FAXDC2: variants seen among roughly 807,000 people sequenced by gnomAD.
The protein encoded by FAXDC2 is fatty acid hydroxylase domain containing 2.
Under a neutral mutation model 40.9 loss-of-function variants are expected in FAXDC2, and 41 were observed. The ratio of observed to expected loss-of-function variants is 1.00; its 90% CI spans 0.78 to 1.30. FAXDC2 has a LOEUF of 1.30. FAXDC2 is among the 50% of genes most tolerant of loss of function. The probability of loss-of-function intolerance (pLI) is 0.00; values close to 1 mark genes in which losing one functional copy is unlikely to be tolerated. For synonymous variants in FAXDC2, 157 were observed against 149.3 expected (o/e 1.05, Z -0.38); for missense variants, 390 against 408.8 (o/e 0.95, Z 0.40).
At chr5:154,850,160 A>C (rs1760694880) in intron 1 of FAXDC2, among the ~76,000 whole-genome samples, 1 of 152,224 alleles carries the variant, frequency 6.6e-6, no homozygotes. Context: ...AATGGTTTTA[A>C]AGTCAAACAA....
intron 8 of FAXDC2, 116 bp downstream of exon 8, chr5:154,821,144 T>C (rs1412097533): frequency 5.6e-6 from 5 of 893,234 alleles, no homozygotes; most frequent in Non-Finnish European, 5.4e-6. Context: ...CCATCAGACC[T>C]CTTCCCCAAC....
chr5:154,834,535 A>G, intron 4 of FAXDC2, 90 bp downstream of exon 4: 1 of 962,638 alleles, frequency 1.0e-6, no homozygotes, highest in Non-Finnish European at 1.6e-6. Flanking sequence ...AATAAACTGA[A>G]AAGTCCCAAA....
intron 8 of FAXDC2, 139 bp from the exon 9 acceptor site, chr5:154,820,611 A>T: frequency 1.5e-6 from 1 of 654,470 alleles, no homozygotes; most frequent in Non-Finnish European, 2.5e-6. Flanking sequence ...CTGCATCAGA[A>T]TAAGCTGGGG....
intron 1 of FAXDC2, among the ~76,000 whole-genome samples, chr5:154,845,657 A>G (rs1294849161): frequency 2.6e-5 from 3 of 116,530 alleles, no homozygotes; most frequent in Non-Finnish European, 5.3e-5. Context: ...AAAAAACAAA[A>G]CAAAAAACAA....
intron 1 of FAXDC2, among the ~76,000 whole-genome samples, chr5:154,846,040 CATCTGCCTGCCT>C (rs1760592059): frequency 6.6e-6 from 1 of 151,642 alleles, no homozygotes; most frequent in Non-Finnish European, 1.5e-5. Context: ...CTGACCTCAT[CATCTGCCTGCCT>C]CGGCCTCCCA....
chr5:154,850,335 GT>G (rs1760698640), intron 1 of FAXDC2, 147 bp downstream of exon 1: 1 of 152,200 alleles, frequency 6.6e-6, no homozygotes, highest in Admixed American at 6.5e-5. Flanking sequence ...ATCTAACCCT[GT>G]TTAGAGGCAA....
intron 5 of FAXDC2, chr5:154,830,548 C>T (rs752565302): frequency 1.8e-5 from 7 of 385,616 alleles, no homozygotes; most frequent in Non-Finnish European, 2.4e-5. Context: ...CCATGGGGCA[C>T]CACAGGCAGG....
Position 154,820,279 on chromosome 5 carries a change from G to C in FAXDC2, c.*37C>G, listed in dbSNP as rs1272721748. 6.5e-7 allele frequency: 1 copy of C among 1,545,296 alleles called. No homozygotes were observed. The highest frequency in any genetic ancestry group is 1.9e-5 in the Admixed American group (1 of 51,914). Reference sequence around the variant, plus strand: ...TCAGGAAGCCGTGTCTGCATCCCATGGCTGAGGGACAGCCAGGATGACACT... The same window carrying C: ...TCAGGAAGCCGTGTCTGCATCCCATCGCTGAGGGACAGCCAGGATGACACT... On this transcript the variant is annotated 3_prime_UTR_variant, in exon 9 of 9. Coordinates refer to ENST00000326080, the MANE Select transcript of FAXDC2 (RefSeq NM_032385.5).
chr5:154,835,874 C>A (rs1760331350), intron 2 of FAXDC2, among the ~76,000 whole-genome samples: 1 of 137,056 alleles, frequency 7.3e-6, no homozygotes, highest in South Asian at 2.4e-4. Flanking sequence ...AGCCACCGCG[C>A]CCGGCCGACT....
chr5:154,820,775 A>G, intron 8 of FAXDC2: 1 of 294,298 alleles, frequency 3.4e-6, no homozygotes, highest in Non-Finnish European at 6.6e-6. Context: ...CACCAGCATC[A>G]GAATCCCCTG....
intron 5 of FAXDC2, chr5:154,824,300 A>C: frequency 3.4e-6 from 2 of 594,016 alleles, no homozygotes; most frequent in Non-Finnish European, 6.0e-6. Flanking sequence ...TTGTCAGAGC[A>C]CTGGGGCTCC....
chr5:154,822,327 C>T, intron 7 of FAXDC2, 145 bp downstream of exon 7: 2 of 665,324 alleles, frequency 3.0e-6, no homozygotes, highest in Non-Finnish European at 5.4e-6. Context: ...CATAGCCTGG[C>T]ATATGGAAGG....
intron 2 of FAXDC2, among the ~76,000 whole-genome samples, chr5:154,835,479 A>C (rs1244647448): frequency 6.6e-6 from 1 of 152,158 alleles, no homozygotes; most frequent in African/African-American, 2.4e-5. Flanking sequence ...TTTCCCAGTC[A>C]TACAGGCTTC....
At chr5:154,823,793 C>A in intron 5 of FAXDC2, 1 of 568,486 alleles carries the variant, frequency 1.8e-6, no homozygotes, top group Admixed American at 3.0e-5. Flanking sequence ...TGAGTAATAC[C>A]CCTGTCCTTG....
intron 5 of FAXDC2, among the ~76,000 whole-genome samples, chr5:154,825,912 G>T (rs1052505086): frequency 2.0e-5 from 3 of 152,112 alleles, no homozygotes; most frequent in Admixed American, 6.5e-5. Flanking sequence ...GTTGTGGGTA[G>T]TAAGTAAAGG....
chr5:154,837,191 G>C (rs1374744109), intron 2 of FAXDC2, among the ~76,000 whole-genome samples: 2 of 151,876 alleles, frequency 1.3e-5, no homozygotes, highest in African/African-American at 4.8e-5. Flanking sequence ...CTCACTCACT[G>C]ACTCGCATTC....
chr5:154,835,483 AG>A (rs1462924944), intron 2 of FAXDC2, among the ~76,000 whole-genome samples: 2 of 152,206 alleles, frequency 1.3e-5, no homozygotes, highest in Non-Finnish European at 2.9e-5. Flanking sequence ...CCAGTCATAC[AG>A]GCTTCACTGT....
rs386358555 is a variant in FAXDC2, at chr5:154,825,650, CAAAAA to C, written c.367-2063_367-2059del. 1.7e-3 allele frequency among the ~76,000 whole-genome samples: 51 copies of C among 30,152 alleles called. 4 individuals carry two copies. Among genetic ancestry groups the C allele is most frequent in the African/African-American group, 6.8e-3 (44 of 6,458 alleles). 19.8% of individuals were successfully genotyped at this position (30,152 alleles called of 152,430 possible). On this transcript the variant is annotated intron_variant, in intron 5 of 8. Coordinates refer to ENST00000326080, the MANE Select transcript of FAXDC2 (RefSeq NM_032385.5). ...TGGGTGACAGAGTGAGACTCCGTCT[CAAAAA>C]AAAAAAAAAAAAAGCAGTAATATAG...
chr5:154,820,026 C>A lies in FAXDC2; in HGVS notation c.*290G>T. ...TATCTGGGGCTGAACCCCTCTCCTT[C>A]CACAGCAGAGGACCAGGGGTCTCCT... On this transcript the variant is annotated 3_prime_UTR_variant, in exon 9 of 9. Coordinates refer to ENST00000326080, the MANE Select transcript of FAXDC2 (RefSeq NM_032385.5). 3.6e-6 allele frequency: 1 copy of A among 274,302 alleles called. No individual in the cohort carries two copies. Among genetic ancestry groups the A allele is most frequent in the Non-Finnish European group, 7.4e-6 (1 of 134,452 alleles). 17.0% of individuals were successfully genotyped at this position (274,302 alleles called of 1,614,324 possible).
Sources: allele counts gnomAD v4.1 joint callset (sites outside exome capture counted in the v4.1 genomes callset), GRCh38; gene constraint gnomAD v4.1.1; transcripts MANE v1.5; gene names NCBI Gene and HGNC (gene_info 2026-07-23, HGNC 2026-07-21).